The following S1PR5 variants were observed in gnomAD, a reference collection of about 807,000 sequenced individuals.
S1PR5 encodes sphingosine-1-phosphate receptor 5.
For missense variants in S1PR5, 583 were observed against 571.7 expected (o/e 1.02, Z -0.20); for synonymous variants, 307 against 284.7 (o/e 1.08, Z -0.79).
rs757106602 is a variant in S1PR5 at position 10,514,568 on chromosome 19, C to G, written c.444G>C (p.Arg148=). The change falls in exon 2 of 2, where the codon CGG becomes CGC. Residue 148 remains arginine, a synonymous_variant. Coordinates refer to ENST00000333430, the MANE Select transcript of S1PR5 (RefSeq NM_030760.5). ...ARRGPAPVSS[R]GRTLAMAAAA... ...CGGCTGCCATCGCCAGCGTGCGCCCCCGACTGGAGACGGGCGCGGGCCCCC... is the reference window on the plus strand; with the variant it reads ...CGGCTGCCATCGCCAGCGTGCGCCCGCGACTGGAGACGGGCGCGGGCCCCC... 12 of 1,578,156 alleles carry G rather than the reference C, an allele frequency of 7.6e-6. No homozygotes were observed. The Admixed American group carries it at 2.0e-4, about 27-fold the overall frequency.
In S1PR5 at chr19:10,514,588, G is replaced by GC; in HGVS notation, c.423dup (p.Pro142AlafsTer202). The GC allele has an allele frequency of 1.3e-6, 2 of 1,576,506 alleles. No individual in the cohort carries two copies. Among genetic ancestry groups the GC allele is most frequent in the Non-Finnish European group, 1.7e-6 (2 of 1,163,364 alleles). On this transcript the variant is annotated frameshift_variant, in exon 2 of 2. Coordinates refer to ENST00000333430, the MANE Select transcript of S1PR5 (RefSeq NM_030760.5). LOFTEE classifies it low-confidence loss of function (END_TRUNC). ...CGCCCCCGACTGGAGACGGGCGCGG[G>GC]CCCCCTGCGCGCCATGGTGAGGCTG...
In S1PR5 at chr19:10,514,698, G is replaced by A; in HGVS notation, c.314C>T (p.Pro105Leu). The change falls in exon 2 of 2, where the codon CCC (proline) becomes CTC (leucine). Residue 105 changes from proline (P) to leucine (L), a missense_variant. Physicochemically the swap from Pro to Leu is moderately conservative, Grantham distance 98. Coordinates refer to ENST00000333430, the MANE Select transcript of S1PR5 (RefSeq NM_030760.5). ...LSGPLTLKLS[P>L]ALWFAREGGV... ...TCCCTCCCGTGCGAACCAGAGCGCG[G>A]GGGACAGTTTCAGCGTGAGCGGCCC... 3 of 1,610,236 alleles carry A rather than the reference G, an allele frequency of 1.9e-6. No individual in the cohort carries two copies. Among genetic ancestry groups the A allele is most frequent in the Non-Finnish European group, 2.5e-6 (3 of 1,179,094 alleles).
upstream of S1PR5, chr19:10,517,620 G>T (rs937481035): frequency 4.6e-5 from 45 of 985,380 alleles, no homozygotes; most frequent in African/African-American, 7.1e-4. Flanking sequence ...CCCCGGCGGC[G>T]ACTGGCACAG....
chr19:10,514,285 T>C lies in S1PR5; in HGVS notation c.727A>G (p.Lys243Glu). 6.4e-7 allele frequency: 1 copy of C among 1,573,224 alleles called. No individual in the cohort carries two copies. The highest frequency in any genetic ancestry group is 8.6e-7 in the Non-Finnish European group (1 of 1,160,260). The change falls in exon 2 of 2, where the codon AAG becomes GAG. Residue 243 changes from lysine to glutamate, a missense_variant. Lys to Glu is a moderately conservative substitution (Grantham distance 56, BLOSUM62 1). Transcript: ENST00000333430. ...CGCAGCAAGGCCAGCGAGCGCGGCTTGCGACGCGCCCGGGTCGAGGTGGTC... is the reference window on the plus strand; with the variant it reads ...CGCAGCAAGGCCAGCGAGCGCGGCTCGCGACGCGCCCGGGTCGAGGTGGTC... ...AGTTSTRARR[K>E]PRSLALLRTL...
At chr19:10,515,137 A>G in intron 1 of S1PR5, 108 bp from the exon 2 acceptor site, 1 of 1,392,806 alleles carries the variant, frequency 7.2e-7, no homozygotes, top group Non-Finnish European at 9.6e-7. Flanking sequence ...ATCACCCCCT[A>G]TACATGGTGT....
In S1PR5 at chr19:10,513,656, G is replaced by A; in HGVS notation, c.*159C>T. ...AGAACGTCAATTCCACGAGGGCACA[G>A]ATTTTTTGTCTGTTTGTTCACATTG... is the stretch of plus-strand genomic sequence containing the variant. On this transcript the variant is annotated 3_prime_UTR_variant, in exon 2 of 2. Transcript: ENST00000333430. The A allele has an allele frequency of 9.6e-7, 1 of 1,044,374 alleles. No individual in the cohort carries two copies. Among genetic ancestry groups the A allele is most frequent in the African/African-American group, 1.7e-5 (1 of 60,464 alleles). 64.7% of individuals were successfully genotyped at this position (1,044,374 alleles called of 1,614,324 possible). A position where few individuals can be genotyped will look rare whatever the true frequency, so the allele number is the denominator to read the frequency against.
rs138422562 is a variant in S1PR5 at position 10,515,274 on chromosome 19, C to T, written c.-18-245G>A. ...CATTAATAACACATGAATGGCTGGGCGCGGTGGTTCACACATGGCTGGGCG... is the reference window on the plus strand; with the variant it reads ...CATTAATAACACATGAATGGCTGGGTGCGGTGGTTCACACATGGCTGGGCG... On this transcript the variant is annotated intron_variant, in intron 1 of 1. Coordinates refer to ENST00000333430, the MANE Select transcript of S1PR5 (RefSeq NM_030760.5). Among the ~76,000 whole-genome samples the T allele has an allele frequency of 6.6e-5, 10 of 152,044 alleles. No homozygotes were observed. The East Asian group carries it at 1.7e-3, about 27-fold the overall frequency.
In S1PR5 at chr19:10,512,804, G is replaced by A. The variant is rs923402634; in HGVS notation, c.*1011C>T. ...GCATGCCTGTAGTCCCAGCTACTAG[G>A]GAGGCTGAAGCAGGAACTCCAGGCT... On this transcript the variant is annotated 3_prime_UTR_variant, in exon 2 of 2. Transcript: ENST00000333430. 1 of 151,594 alleles carries A rather than the reference G, an allele frequency of 6.6e-6. No individual in the cohort carries two copies. The highest frequency in any genetic ancestry group is 1.5e-5 in the Non-Finnish European group (1 of 67,930). The allele number at this position is 151,594 out of a possible 1,614,324, so 9.4% of individuals were successfully genotyped here. A position where few individuals can be genotyped will look rare whatever the true frequency, so the allele number is the denominator to read the frequency against.
chr19:10,516,174 C>T (rs1383445333), intron 1 of S1PR5, among the ~76,000 whole-genome samples: 4 of 152,152 alleles, frequency 2.6e-5, no homozygotes, highest in African/African-American at 9.7e-5. Context: ...GTCTCCCACC[C>T]AGTGGCACAG....
In S1PR5 at chr19:10,513,724, G is replaced by T. The variant is rs1915341976; in HGVS notation, c.*91C>A. Reference sequence around the variant, plus strand: ...AATACATTTCCCCTGCATCTTTTCCGACTGCACCTTTGGCTGCATTTCCTA... The same window carrying T: ...AATACATTTCCCCTGCATCTTTTCCTACTGCACCTTTGGCTGCATTTCCTA... On this transcript the variant is annotated 3_prime_UTR_variant, in exon 2 of 2. Transcript: ENST00000333430. The T allele has an allele frequency of 1.3e-6, 2 of 1,520,508 alleles. No individual in the cohort carries two copies. The highest frequency in any genetic ancestry group is 2.0e-4 in the Middle Eastern group (1 of 5,106). 94.2% of individuals were successfully genotyped at this position (1,520,508 alleles called of 1,614,324 possible).
rs991227223 is a variant in S1PR5 at position 10,514,193 on chromosome 19, G to A, written c.819C>T (p.Leu273=). 7.4e-6 allele frequency: 12 copies of A among 1,612,222 alleles called. No individual in the cohort carries two copies. The highest frequency in any genetic ancestry group is 1.7e-5 in the Admixed American group (1 of 59,864). Residue 273 remains leucine, a synonymous_variant, in exon 2 of 2, where the codon CTC becomes CTT. Coordinates refer to ENST00000333430, the MANE Select transcript of S1PR5 (RefSeq NM_030760.5). ...AGGTGCGCGCCGGGCACGCCACGTC[G>A]AGCAACAGCAGCAGGAAGAGGGGGC... ...CWGPLFLLLL[L]DVACPARTCP...
intron 1 of S1PR5, 148 bp downstream of exon 1, chr19:10,517,250 C>T: frequency 6.1e-6 from 3 of 492,864 alleles, no homozygotes; most frequent in Non-Finnish European, 7.9e-6. Flanking sequence ...CCCCAGCTTC[C>T]CCCTCCCCAG....
intron 1 of S1PR5, among the ~76,000 whole-genome samples, chr19:10,516,349 T>C (rs1915437128): frequency 6.6e-6 from 1 of 152,046 alleles, no homozygotes; most frequent in Admixed American, 6.6e-5. Context: ...CTTTCGCCTG[T>C]AATCCCAGCA....
upstream of S1PR5, chr19:10,517,654 G>A (rs1296627735): frequency 2.9e-5 from 29 of 985,420 alleles, no homozygotes; most frequent in Non-Finnish European, 3.5e-5. Flanking sequence ...TGCCCCCTCC[G>A]GGCCTGGGCT....
intron 1 of S1PR5, among the ~76,000 whole-genome samples, chr19:10,516,834 G>T (rs191435716): frequency 2.0e-5 from 3 of 152,078 alleles, no homozygotes; most frequent in African/African-American, 4.8e-5. Flanking sequence ...GAAATGCTTC[G>T]TATCGAAGCA....
upstream of S1PR5, chr19:10,517,544 C>T: frequency 1.0e-6 from 1 of 985,434 alleles, no homozygotes; most frequent in Non-Finnish European, 1.2e-6. Flanking sequence ...TGCCCCCTCC[C>T]CTTGGGTCCC....
In S1PR5 at chr19:10,514,815, C is replaced by A. The variant is rs764246553; in HGVS notation, c.197G>T (p.Arg66Leu). 8 of 1,612,966 alleles carry A rather than the reference C, an allele frequency of 5.0e-6. No individual in the cohort carries two copies. The highest frequency in any genetic ancestry group is 1.7e-5 in the Admixed American group (1 of 59,904). Reference sequence around the variant, plus strand: ...GAGCAGGAACATGGGAGCGTGGAAGCGCGGGTGGCGTCCGAGCACCAACAA... The same window carrying A: ...GAGCAGGAACATGGGAGCGTGGAAGAGCGGGTGGCGTCCGAGCACCAACAA... Reference protein sequence around the residue: ...AVLLVLGRHPRFHAPMFLLLG... With the variant: ...AVLLVLGRHPLFHAPMFLLLG... The change falls in exon 2 of 2, where the codon CGC (arginine) becomes CTC (leucine). Residue 66 changes from arginine (R) to leucine (L), a missense_variant. By Grantham distance (102) the Arg-to-Leu change is moderately radical (BLOSUM62 -2). Coordinates refer to ENST00000333430, the MANE Select transcript of S1PR5 (RefSeq NM_030760.5).
At position 10,514,126 on chromosome 19, in the gene S1PR5, T is replaced by C. The variant is rs1470682184; in HGVS notation, c.886A>G (p.Met296Val). ...ATGGGGTTCAGAAGTGAGTTGGCCATGGCCAGTCCCAGGAAGGGATCGGCC... is the reference window on the plus strand; with the variant it reads ...ATGGGGTTCAGAAGTGAGTTGGCCACGGCCAGTCCCAGGAAGGGATCGGCC... Reference protein sequence around the residue: ...LQADPFLGLAMANSLLNPIIY... With the variant: ...LQADPFLGLAVANSLLNPIIY... Residue 296 changes from methionine to valine, a missense_variant, in exon 2 of 2, where the codon ATG (methionine) becomes GTG (valine). By Grantham distance (21) the Met-to-Val change is conservative. Transcript: ENST00000333430. 5.6e-6 allele frequency: 9 copies of C among 1,612,658 alleles called. No homozygotes were observed. The highest frequency in any genetic ancestry group is 2.7e-5 in the African/African-American group (2 of 74,862).
Position 10,514,579 on chromosome 19 carries a change from C to G in S1PR5, c.433G>C (p.Val145Leu). Residue 145 changes from valine to leucine, a missense_variant, in exon 2 of 2, where the codon GTC becomes CTC. Val to Leu is a conservative substitution (Grantham distance 32). Coordinates refer to ENST00000333430, the MANE Select transcript of S1PR5 (RefSeq NM_030760.5). ...GCCAGCGTGCGCCCCCGACTGGAGA[C>G]GGGCGCGGGCCCCCTGCGCGCCATG... ...LTMARRGPAP[V>L]SSRGRTLAMA... 7.0e-6 allele frequency: 11 copies of G among 1,576,422 alleles called. No individual in the cohort carries two copies. Among genetic ancestry groups the G allele is most frequent in the Non-Finnish European group, 9.5e-6 (11 of 1,162,948 alleles).
Sources: allele counts gnomAD v4.1 joint callset (sites outside exome capture counted in the v4.1 genomes callset), GRCh38; gene constraint gnomAD v4.1.1; transcripts MANE v1.5; gene names NCBI Gene and HGNC (gene_info 2026-07-23, HGNC 2026-07-21).